Variants in ATP2C2 observed in about 807,000 individuals in gnomAD.
The protein encoded by ATP2C2 is calcium-transporting ATPase type 2C member 2.
ATP2C2 carries 171 observed loss-of-function variants against 110.8 expected under a neutral mutation model. That is an observed-to-expected ratio of 1.54 (90% CI 1.36 to 1.75). The LOEUF is 1.75. ATP2C2 is among the 40% of genes most tolerant of loss of function. The pLI, the probability that ATP2C2 is intolerant of heterozygous loss-of-function variation, is 0.00. For missense variants in ATP2C2, 1,963 were observed against 1,235.0 expected (o/e 1.59, Z -8.84); for synonymous variants, 804 against 508.4 (o/e 1.58, Z -7.82).
At chr16:84,438,984 C>A in intron 11 of ATP2C2, 182 bp from the exon 12 acceptor site, 1 of 833,400 alleles carries the variant, frequency 1.2e-6, no homozygotes, top group South Asian at 1.8e-5. Context: ...CAGGGGAGGG[C>A]TCAGGACAGT....
intron 21 of ATP2C2, 94 bp downstream of exon 21, chr16:84,455,078 G>GGGT: frequency 6.9e-7 from 1 of 1,445,602 alleles, no homozygotes; most frequent in Non-Finnish European, 9.5e-7. Context: ...AGAGGGGGGG[G>GGGT]TCTCGCGGAG....
chr16:84,384,219 G>C (rs775623979), intron 1 of ATP2C2, among the ~76,000 whole-genome samples: 3 of 152,206 alleles, frequency 2.0e-5, no homozygotes, highest in Non-Finnish European at 4.4e-5. Flanking sequence ...GAAAGGATGT[G>C]GCTCTTAGTT....
At chr16:84,455,434 G>T (rs1438551553) in intron 21 of ATP2C2, among the ~76,000 whole-genome samples, 3 of 152,172 alleles carry the variant, frequency 2.0e-5, no homozygotes, top group African/African-American at 7.2e-5. Flanking sequence ...ATATATCTCA[G>T]GCATTGCAAA....
At chr16:84,398,632 G>A (rs1325768390) in intron 2 of ATP2C2, 23 bp downstream of exon 2, 7 of 1,557,320 alleles carry the variant, frequency 4.5e-6, no homozygotes, top group Non-Finnish European at 6.2e-6. Context: ...TTTGCATCTG[G>A]AGCTAATTGT....
chr16:84,463,769 G>A lies in ATP2C2; in HGVS notation c.*37G>A, dbSNP rs145943220. 44 of 1,552,032 alleles carry A rather than the reference G, an allele frequency of 2.8e-5. No homozygotes were observed. In the East Asian group the frequency reaches 4.5e-4, roughly 16 times the overall value. On this transcript the variant is annotated 3_prime_UTR_variant, in exon 27 of 27. Transcript: ENST00000262429. ...CCGCGGCACCTTCCCTAATCATCTC[G>A]ATCTGGTTGTGACTGTGGCCCCTGC...
intron 4 of ATP2C2, 76 bp from the exon 5 acceptor site, chr16:84,410,492 G>T: frequency 6.8e-7 from 1 of 1,479,252 alleles, no homozygotes; most frequent in Non-Finnish European, 9.4e-7. Flanking sequence ...TTAAAGACAA[G>T]CCCCTAGCCT....
intron 17 of ATP2C2, 74 bp downstream of exon 17, chr16:84,448,763 G>T: frequency 4.6e-6 from 7 of 1,530,098 alleles, no homozygotes; most frequent in Non-Finnish European, 6.2e-6. Context: ...TTCAAGCAGG[G>T]TCCCTAGTCA....
chr16:84,427,046 A>G (rs1907869442), intron 11 of ATP2C2, among the ~76,000 whole-genome samples: 1 of 152,134 alleles, frequency 6.6e-6, no homozygotes, highest in African/African-American at 2.4e-5. Context: ...ATTGGAAGGG[A>G]GCCTAGGGGC....
At chr16:84,369,174 G>A (rs1485125463) in intron 1 of ATP2C2, among the ~76,000 whole-genome samples, 5 of 152,240 alleles carry the variant, frequency 3.3e-5, no homozygotes, top group Non-Finnish European at 5.9e-5. Context: ...AGTTGGAGCT[G>A]AGGGACCTCC....
chr16:84,378,893 G>A (rs1910409883), intron 1 of ATP2C2, among the ~76,000 whole-genome samples: 1 of 152,158 alleles, frequency 6.6e-6, no homozygotes. Context: ...ACACCAGCAA[G>A]CTCTTGCTGT....
chr16:84,393,375 C>T (rs750886350), intron 1 of ATP2C2, among the ~76,000 whole-genome samples: 2 of 152,060 alleles, frequency 1.3e-5, no homozygotes, highest in African/African-American at 4.8e-5. Flanking sequence ...CGAGCTCAGT[C>T]ACCAACCCAG....
chr16:84,454,450 A>G (rs1486924471), intron 20 of ATP2C2, among the ~76,000 whole-genome samples: 1 of 152,174 alleles, frequency 6.6e-6, no homozygotes, highest in South Asian at 2.1e-4. Context: ...CAAAGAAGGT[A>G]GTAATACTTA....
At chr16:84,436,151 G>C (rs113772204) in intron 11 of ATP2C2, among the ~76,000 whole-genome samples, 2,422 of 152,336 alleles carry the variant, frequency 0.016, 77 homozygotes, top group African/African-American at 0.056. Flanking sequence ...CCACCCTTGT[G>C]TGATATAGCC....
At chr16:84,370,385 A>C (rs1909882372) in intron 1 of ATP2C2, among the ~76,000 whole-genome samples, 1 of 152,220 alleles carries the variant, frequency 6.6e-6, no homozygotes, top group African/African-American at 2.4e-5. Flanking sequence ...ACTGACACCA[A>C]AGGCCAGCTG....
At chr16:84,455,010 C>A (rs772494996) in intron 21 of ATP2C2, 26 bp downstream of exon 21, 2 of 1,605,652 alleles carry the variant, frequency 1.2e-6, no homozygotes, top group Non-Finnish European at 1.7e-6. Flanking sequence ...GGTTGTTTTT[C>A]AGTTGCAAAA....
intron 1 of ATP2C2, among the ~76,000 whole-genome samples, chr16:84,377,706 G>A (rs754660078): frequency 2.6e-5 from 4 of 152,076 alleles, no homozygotes; most frequent in Non-Finnish European, 5.9e-5. Flanking sequence ...ATGGGGTGTG[G>A]GGTTTAGGGC....
rs1009630532 is a variant in ATP2C2 at position 84,427,833 on chromosome 16, T to C, written c.986+2032T>C. 2.0e-4 allele frequency among the ~76,000 whole-genome samples: 30 copies of C among 152,190 alleles called. No individual in the cohort carries two copies. In the South Asian group the frequency reaches 5.4e-3, roughly 27 times the overall value. ...ACTCCTAACAGTTATGGGGTTTCCT[T>C]CGGGGGTGAAGAAAATGTTCCAAAA... is the stretch of plus-strand genomic sequence containing the variant. On this transcript the variant is annotated intron_variant, in intron 11 of 26. Coordinates refer to ENST00000262429, the MANE Select transcript of ATP2C2 (RefSeq NM_014861.4).
chr16:84,425,040 C>G (rs1039448753), intron 10 of ATP2C2, among the ~76,000 whole-genome samples: 2 of 152,080 alleles, frequency 1.3e-5, no homozygotes, highest in Non-Finnish European at 2.9e-5. Context: ...AGTAGAATGC[C>G]CAAAACAAAA....
At chr16:84,433,498 C>T (rs796682847) in intron 11 of ATP2C2, among the ~76,000 whole-genome samples, 8 of 152,094 alleles carry the variant, frequency 5.3e-5, no homozygotes, top group Non-Finnish European at 7.4e-5. Flanking sequence ...ACTAAAAATA[C>T]AAAAATTAGC....
Sources: gnomAD v4.1 joint callset for allele counts (sites outside exome capture counted in the v4.1 genomes callset) on GRCh38, gnomAD v4.1.1 for gene constraint, MANE v1.5 for transcripts, NCBI Gene and HGNC (gene_info 2026-07-23, HGNC 2026-07-21) for gene names.